Variants in PALM2AKAP2 observed in about 807,000 individuals in gnomAD.
The protein encoded by PALM2AKAP2 is PALM2 and AKAP2 fusion, also known as PALM2-AKAP2 fusion protein.
PALM2AKAP2 carries 37 observed loss-of-function variants against 71.5 expected under a neutral mutation model. The observed-to-expected ratio is 0.52, with a 90% CI of 0.40 to 0.68. The LOEUF (loss-of-function observed/expected upper bound fraction) is 0.68, where lower values mean the gene tolerates loss of function less well. Ranked by LOEUF, PALM2AKAP2 falls within the 30% of genes least tolerant of loss-of-function variation. The pLI, the probability that PALM2AKAP2 is intolerant of heterozygous loss-of-function variation, is 0.00. For synonymous variants in PALM2AKAP2, 468 were observed against 478.8 expected (o/e 0.98, Z 0.29); for missense variants, 1,224 against 1,191.8 (o/e 1.03, Z -0.40).
At chr9:109,920,631 G>A (rs925722421) in intron 3 of PALM2AKAP2, among the ~76,000 whole-genome samples, 5 of 151,802 alleles carry the variant, frequency 3.3e-5, no homozygotes, top group Non-Finnish European at 5.9e-5. Flanking sequence ...CGCCTGCCTC[G>A]GCCTCCCAAA....
intron 1 of PALM2AKAP2, among the ~76,000 whole-genome samples, chr9:109,660,741 C>A (rs995645810): frequency 1.3e-5 from 2 of 152,196 alleles, no homozygotes; most frequent in African/African-American, 4.8e-5. Context: ...GGAAACCCCA[C>A]ACTGTCTTCC....
At chr9:109,696,108 T>A (rs534872808) in intron 1 of PALM2AKAP2, among the ~76,000 whole-genome samples, 6 of 152,242 alleles carry the variant, frequency 3.9e-5, no homozygotes, top group African/African-American at 1.4e-4. Context: ...CATAAATGTA[T>A]CAAAATATCA....
chr9:110,132,059 G>GTGTGTGTGTGTGTT (rs1835747370), intron 1 of PALM2AKAP2, among the ~76,000 whole-genome samples: 2 of 151,756 alleles, frequency 1.3e-5, no homozygotes, highest in African/African-American at 2.4e-5. Flanking sequence ...GTGTGTGTGT[G>GTGTGTGTGTGTGTT]TGTGTGTGTG....
upstream of PALM2AKAP2, among the ~76,000 whole-genome samples, chr9:109,777,016 T>A (rs1587904389): frequency 6.6e-6 from 1 of 152,220 alleles, no homozygotes; most frequent in Non-Finnish European, 1.5e-5. Context: ...TCTGTACAGG[T>A]CTTCAGGAGA....
intron 1 of PALM2AKAP2, among the ~76,000 whole-genome samples, chr9:109,830,860 A>G (rs1828280204): frequency 6.6e-6 from 1 of 152,226 alleles, no homozygotes; most frequent in Admixed American, 6.5e-5. Flanking sequence ...AGTCTACACT[A>G]GAATCCAGGC....
chr9:110,145,891 CTTTTTTTTTT>C (rs61137720), intron 2 of PALM2AKAP2, among the ~76,000 whole-genome samples: 3 of 64,496 alleles, frequency 4.7e-5, no homozygotes, highest in Middle Eastern at 0.013. Flanking sequence ...CCTCACTCTT[CTTTTTTTTTT>C]TTTTTTTTTT....
chr9:109,978,313 C>T (rs1036968498), intron 6 of PALM2AKAP2, among the ~76,000 whole-genome samples: 8 of 152,164 alleles, frequency 5.3e-5, no homozygotes, highest in Non-Finnish European at 1.2e-4. Flanking sequence ...AATATTTCAT[C>T]TCAAATATTT....
At chr9:110,138,336 A>G (rs1448935480) in exon 2 of PALM2AKAP2, 2 of 1,614,200 alleles carry the variant, frequency 1.2e-6, no homozygotes, top group Non-Finnish European at 8.5e-7. Flanking sequence ...CTGGCCACTC[A>G]AGAATCTGAC....
chr9:110,156,820 C>T (rs931291027), intron 3 of PALM2AKAP2, among the ~76,000 whole-genome samples: 2 of 152,134 alleles, frequency 1.3e-5, no homozygotes, highest in African/African-American at 4.8e-5. Context: ...TTGCAAGTGC[C>T]CTGAAATCAT....
intron 1 of PALM2AKAP2, among the ~76,000 whole-genome samples, chr9:110,122,361 C>T (rs1835507868): frequency 6.6e-6 from 1 of 152,178 alleles, no homozygotes; most frequent in South Asian, 2.1e-4. Context: ...TTTGCATTAG[C>T]CCAAACGCTT....
chr9:109,671,159 GT>G (rs1827566062), intron 1 of PALM2AKAP2, among the ~76,000 whole-genome samples: 1 of 151,720 alleles, frequency 6.6e-6, no homozygotes, highest in Admixed American at 6.6e-5. Flanking sequence ...TGCTTTTGTT[GT>G]CTTCATCATA....
intron 1 of PALM2AKAP2, among the ~76,000 whole-genome samples, chr9:109,827,158 T>G (rs1828172433): frequency 6.6e-6 from 1 of 152,138 alleles, no homozygotes; most frequent in South Asian, 2.1e-4. Context: ...GCTCCTATAA[T>G]GTGGCATGCA....
chr9:109,788,767 A>G (rs1230660877), intron 1 of PALM2AKAP2, among the ~76,000 whole-genome samples: 1 of 152,210 alleles, frequency 6.6e-6, no homozygotes, highest in Non-Finnish European at 1.5e-5. Flanking sequence ...AGCCTTAAAC[A>G]TAGCCCAGTT....
exon 3 of PALM2AKAP2, chr9:110,156,419 C>G: frequency 6.2e-7 from 1 of 1,613,150 alleles, no homozygotes; most frequent in South Asian, 1.1e-5. Flanking sequence ...CCCAGCGGCC[C>G]AAGAATCTGA....
At chr9:109,807,701 G>A (rs1827617381) in intron 1 of PALM2AKAP2, among the ~76,000 whole-genome samples, 1 of 152,092 alleles carries the variant, frequency 6.6e-6, no homozygotes, top group African/African-American at 2.4e-5. Flanking sequence ...ATGAACCAAT[G>A]GAGCCTCTTT....
intron 1 of PALM2AKAP2, among the ~76,000 whole-genome samples, chr9:109,708,791 C>T (rs1163609337): frequency 1.3e-5 from 2 of 152,192 alleles, no homozygotes; most frequent in African/African-American, 2.4e-5. Context: ...TTGCTTCCTG[C>T]TTTAGCGACA....
chr9:110,035,497 A>G (rs1833378980), intron 7 of PALM2AKAP2, among the ~76,000 whole-genome samples: 1 of 143,306 alleles, frequency 7.0e-6, no homozygotes, highest in South Asian at 2.2e-4. Flanking sequence ...TATATAACAT[A>G]TATATGATAT....
At chr9:109,732,651 T>C (rs1345509567) in intron 1 of PALM2AKAP2, among the ~76,000 whole-genome samples, 1 of 152,178 alleles carries the variant, frequency 6.6e-6, no homozygotes, top group Non-Finnish European at 1.5e-5. Context: ...TACCTTCTAG[T>C]TGGGGAAAGA....
intron 1 of PALM2AKAP2, among the ~76,000 whole-genome samples, chr9:109,773,194 G>A (rs1039394065): frequency 6.6e-6 from 1 of 152,052 alleles, no homozygotes; most frequent in Non-Finnish European, 1.5e-5. Context: ...GGAGTGCAGT[G>A]GCACGATCAT....
Sources: allele counts gnomAD v4.1 joint callset (sites outside exome capture counted in the v4.1 genomes callset), GRCh38; gene constraint gnomAD v4.1.1; transcripts MANE v1.5; gene names NCBI Gene and HGNC (gene_info 2026-07-23, HGNC 2026-07-21).